Variants in KANSL2 observed in about 807,000 individuals in gnomAD.
KANSL2 encodes the protein KAT8 regulatory NSL complex subunit 2.
Under a neutral mutation model 55.6 loss-of-function variants are expected in KANSL2, and 34 were observed. The observed-to-expected ratio is 0.61, with a 90% CI of 0.46 to 0.81. The LOEUF (loss-of-function observed/expected upper bound fraction) is 0.81. Among genes scored for constraint, KANSL2 ranks in the 40% least tolerant of loss-of-function variants. The probability of loss-of-function intolerance (pLI) is 0.00; values close to 1 mark genes in which losing one functional copy is unlikely to be tolerated. For missense variants in KANSL2, 502 were observed against 609.9 expected (o/e 0.82, Z 1.86); for synonymous variants, 209 against 214.3 (o/e 0.98, Z 0.22).
Position 48,655,046 on chromosome 12 carries a change from C to A in KANSL2, c.1242G>T (p.Val414=). The A allele has an allele frequency of 1.3e-6, 2 of 1,579,026 alleles. No individual in the cohort carries two copies. The highest frequency in any genetic ancestry group is 2.3e-5 in the East Asian group (1 of 43,296). Residue 414 remains valine (V), a synonymous_variant, in exon 9 of 10, where the codon GTG becomes GTT. Coordinates refer to ENST00000420613, the MANE Select transcript of KANSL2 (RefSeq NM_017822.4). ...PLEFSDDLDV[V]GDGMQCPPSP... The stretch of plus-strand genomic sequence containing the variant: ...AAGGAGGACACTGCATACCATCACC[C>A]ACAACATCCAAGTCCTAGAAAAAAG...
chr12:48,669,463 A>G (rs1041710807), intron 5 of KANSL2, among the ~76,000 whole-genome samples, 191 bp from the exon 6 acceptor site: 1 of 152,112 alleles, frequency 6.6e-6, no homozygotes, highest in South Asian at 2.1e-4. Flanking sequence ...TTTTTAATCA[A>G]TCATTGACCA....
intron 7 of KANSL2, among the ~76,000 whole-genome samples, chr12:48,662,037 AT>A (rs1939497377): frequency 6.6e-6 from 1 of 152,256 alleles, no homozygotes. Flanking sequence ...GCTTAAGAAA[AT>A]CTAAGCAATA....
chr12:48,662,811 TATA>T (rs1269171759), intron 7 of KANSL2, among the ~76,000 whole-genome samples: 3 of 152,224 alleles, frequency 2.0e-5, no homozygotes, highest in African/African-American at 7.2e-5. Context: ...ACTACAGTAT[TATA>T]ATATCTAAAA....
chr12:48,656,205 T>C (rs1939377125), intron 8 of KANSL2, among the ~76,000 whole-genome samples: 1 of 151,646 alleles, frequency 6.6e-6, no homozygotes, highest in South Asian at 2.1e-4. Context: ...ACAGTTCCTC[T>C]GAATGGCTAG....
chr12:48,671,096 CT>C (rs1565607818), intron 5 of KANSL2, among the ~76,000 whole-genome samples: 1 of 151,994 alleles, frequency 6.6e-6, no homozygotes, highest in Admixed American at 6.6e-5. Flanking sequence ...AAAACCCCCC[CT>C]CTACTAAAAA....
intron 4 of KANSL2, among the ~76,000 whole-genome samples, chr12:48,677,257 T>A (rs532996385): frequency 3.9e-5 from 6 of 152,170 alleles, no homozygotes; most frequent in Non-Finnish European, 8.8e-5. Context: ...TTTCCACATT[T>A]GTATTTCTCA....
intron 7 of KANSL2, among the ~76,000 whole-genome samples, chr12:48,662,368 G>C (rs1409617412): frequency 6.6e-6 from 1 of 152,160 alleles, no homozygotes; most frequent in African/African-American, 2.4e-5. Context: ...GCCTCCCAAA[G>C]TGTTGGGATT....
intron 7 of KANSL2, chr12:48,662,488 C>T: frequency 8.6e-7 from 1 of 1,160,882 alleles, no homozygotes; most frequent in Non-Finnish European, 1.1e-6. Flanking sequence ...AAAGGACTCC[C>T]CCCATCATCC....
At chr12:48,655,210 C>A in intron 8 of KANSL2, 150 bp from the exon 9 acceptor site, 1 of 675,546 alleles carries the variant, frequency 1.5e-6, no homozygotes, top group Non-Finnish European at 2.5e-6. Flanking sequence ...GAGCGTCCAA[C>A]AAATGAAACA....
chr12:48,666,148 C>T (rs1437739163), intron 7 of KANSL2, among the ~76,000 whole-genome samples: 3 of 151,980 alleles, frequency 2.0e-5, no homozygotes, highest in African/African-American at 7.3e-5. Flanking sequence ...CAGCAGATCA[C>T]GGCAGTAAGC....
At chr12:48,674,703 A>G (rs938030088) in intron 4 of KANSL2, among the ~76,000 whole-genome samples, 1 of 152,162 alleles carries the variant, frequency 6.6e-6, no homozygotes, top group Admixed American at 6.5e-5. Flanking sequence ...AGGTGGGTGG[A>G]TCACTTGAGG....
At chr12:48,674,800 C>T (rs1939790228) in intron 4 of KANSL2, among the ~76,000 whole-genome samples, 1 of 151,936 alleles carries the variant, frequency 6.6e-6, no homozygotes, top group Admixed American at 6.6e-5. Flanking sequence ...GTGGCAAGCA[C>T]CTATAATCCC....
intron 6 of KANSL2, among the ~76,000 whole-genome samples, chr12:48,668,333 G>A (rs1252489172): frequency 6.6e-6 from 1 of 152,214 alleles, no homozygotes; most frequent in Admixed American, 6.5e-5. Flanking sequence ...ATATGCAGAT[G>A]AGAATACTGA....
intron 5 of KANSL2, among the ~76,000 whole-genome samples, chr12:48,671,094 C>T (rs553090590): frequency 6.6e-6 from 1 of 151,944 alleles, no homozygotes; most frequent in South Asian, 2.1e-4. Flanking sequence ...GCAAAACCCC[C>T]CCTCTACTAA....
At chr12:48,658,141 G>C (rs888780444) in intron 8 of KANSL2, among the ~76,000 whole-genome samples, 4 of 152,074 alleles carry the variant, frequency 2.6e-5, no homozygotes, top group African/African-American at 4.8e-5. Context: ...TTAGACCGGA[G>C]AATCGCTTGA....
At chr12:48,677,002 A>T (rs771728728) in intron 4 of KANSL2, among the ~76,000 whole-genome samples, 9 of 152,204 alleles carry the variant, frequency 5.9e-5, no homozygotes, top group South Asian at 2.1e-4. Context: ...ATACTACTAA[A>T]TTACTATATT....
intron 8 of KANSL2, among the ~76,000 whole-genome samples, chr12:48,655,930 G>T (rs10506282): frequency 2.0e-5 from 3 of 151,968 alleles, no homozygotes; most frequent in African/African-American, 7.3e-5. Context: ...ACATACATAG[G>T]TTAAAAGAGT....
chr12:48,668,811 G>A (rs562093846), intron 6 of KANSL2, among the ~76,000 whole-genome samples: 1 of 152,260 alleles, frequency 6.6e-6, no homozygotes, highest in African/African-American at 2.4e-5. Context: ...GGAGGCCGAG[G>A]TGGGTAGATC....
At chr12:48,668,993 G>A (rs938140002) in intron 6 of KANSL2, 113 bp downstream of exon 6, 37 of 737,564 alleles carry the variant, frequency 5.0e-5, no homozygotes, top group African/African-American at 3.1e-4. Context: ...TCAGTGAGCC[G>A]ACATCGCACC....
Sources: gnomAD v4.1 joint callset for allele counts (sites outside exome capture counted in the v4.1 genomes callset) on GRCh38, gnomAD v4.1.1 for gene constraint, MANE v1.5 for transcripts, NCBI Gene and HGNC (gene_info 2026-07-23, HGNC 2026-07-21) for gene names.